Variants in NUDT3 observed in about 807,000 individuals in gnomAD.
NUDT3 encodes diphosphoinositol polyphosphate phosphohydrolase 1.
NUDT3 carries 9 observed loss-of-function variants against 23.6 expected under a neutral mutation model. The ratio of observed to expected loss-of-function variants is 0.38; its 90% CI spans 0.23 to 0.66. The LOEUF (loss-of-function observed/expected upper bound fraction) is 0.66. Among genes scored for constraint, NUDT3 ranks in the 30% least tolerant of loss-of-function variants. The pLI, the probability that NUDT3 is intolerant of heterozygous loss-of-function variation, is 0.52. For synonymous variants in NUDT3, 86 were observed against 82.6 expected (o/e 1.04, Z -0.22); for missense variants, 172 against 218.5 (o/e 0.79, Z 1.34).
intron 2 of NUDT3, among the ~76,000 whole-genome samples, chr6:34,305,605 T>C (rs1300314717): frequency 6.6e-6 from 1 of 152,222 alleles, no homozygotes; most frequent in Non-Finnish European, 1.5e-5. Flanking sequence ...TCTTGTTTTT[T>C]CCAGCTTCTT....
chr6:34,372,432 T>C (rs191514719), intron 1 of NUDT3, among the ~76,000 whole-genome samples: 3,477 of 152,182 alleles, frequency 0.023, 69 homozygotes, highest in Non-Finnish European at 0.032. Flanking sequence ...TAATGATTGC[T>C]ATTCTAACTG....
chr6:34,374,156 CAA>C (rs397888346), intron 1 of NUDT3, among the ~76,000 whole-genome samples: 14,605 of 63,926 alleles, frequency 0.23, 1,506 homozygotes, highest in East Asian at 0.46. Flanking sequence ...GGCTCCCTCT[CAA>C]AAAAAAAAAA....
intron 2 of NUDT3, among the ~76,000 whole-genome samples, chr6:34,313,275 TCC>T (rs1763803698): frequency 6.6e-6 from 1 of 152,124 alleles, no homozygotes; most frequent in Non-Finnish European, 1.5e-5. Flanking sequence ...TACTGTATAT[TCC>T]AACTATAAGA....
intron 1 of NUDT3, among the ~76,000 whole-genome samples, chr6:34,351,198 TA>T (rs71000051): frequency 8.3e-3 from 149 of 17,880 alleles, no homozygotes; most frequent in Middle Eastern, 0.036. Context: ...CTCCCCTGCC[TA>T]AAAAAAAAAA....
intron 2 of NUDT3, among the ~76,000 whole-genome samples, chr6:34,304,253 A>G (rs947752096): frequency 3.1e-5 from 3 of 95,914 alleles, no homozygotes; most frequent in African/African-American, 1.7e-4. Context: ...CTCTGTCTCA[A>G]AAAAAAAAAA....
chr6:34,374,622 T>A (rs564812776), intron 1 of NUDT3, among the ~76,000 whole-genome samples: 1 of 152,320 alleles, frequency 6.6e-6, no homozygotes, highest in East Asian at 1.9e-4. Flanking sequence ...CCTTTCGCAC[T>A]GTGTCTGACT....
intron 1 of NUDT3, among the ~76,000 whole-genome samples, chr6:34,347,791 C>T (rs975612089): frequency 6.6e-5 from 10 of 151,750 alleles, no homozygotes; most frequent in African/African-American, 2.2e-4. Flanking sequence ...AGTAATTATA[C>T]GGAGTGAGAA....
At chr6:34,305,925 C>T (rs1388728382) in intron 2 of NUDT3, among the ~76,000 whole-genome samples, 19 of 152,102 alleles carry the variant, frequency 1.2e-4, no homozygotes, top group Admixed American at 1.2e-3. Flanking sequence ...TTTAACCATT[C>T]CTGTACAACT....
chr6:34,388,669 C>A (rs1765148569), intron 1 of NUDT3, among the ~76,000 whole-genome samples: 1 of 152,180 alleles, frequency 6.6e-6, no homozygotes, highest in Non-Finnish European at 1.5e-5. Flanking sequence ...TCATCTAAAA[C>A]TACTCAACTC....
chr6:34,290,541 A>T (rs1376058449), intron 4 of NUDT3, among the ~76,000 whole-genome samples: 1 of 150,754 alleles, frequency 6.6e-6, no homozygotes, highest in East Asian at 1.9e-4. Context: ...CTATTTCTTA[A>T]GCAATCTATA....
At chr6:34,386,449 C>T (rs1765108097) in intron 1 of NUDT3, among the ~76,000 whole-genome samples, 1 of 152,166 alleles carries the variant, frequency 6.6e-6, no homozygotes, top group African/African-American at 2.4e-5. Flanking sequence ...GCATGTCTGT[C>T]TCCTTCATAA....
intron 1 of NUDT3, among the ~76,000 whole-genome samples, chr6:34,363,396 C>A (rs951079450): frequency 6.6e-6 from 1 of 152,088 alleles, no homozygotes. Flanking sequence ...CGGCAAATAA[C>A]CAAAGGTAAA....
intron 1 of NUDT3, among the ~76,000 whole-genome samples, chr6:34,358,777 G>A (rs189781347): frequency 1.6e-3 from 244 of 152,028 alleles, no homozygotes; most frequent in African/African-American, 5.6e-3. Context: ...AGCTCTTCAC[G>A]GATGTATGAA....
At chr6:34,289,501 C>T (rs575639296) in intron 4 of NUDT3, among the ~76,000 whole-genome samples, 27 of 152,258 alleles carry the variant, frequency 1.8e-4, no homozygotes, top group East Asian at 5.8e-4. Context: ...CGGAAGGTCG[C>T]GGCTGCAGTG....
chr6:34,336,245 C>A (rs563245930), intron 2 of NUDT3, among the ~76,000 whole-genome samples: 1 of 151,984 alleles, frequency 6.6e-6, no homozygotes, highest in Non-Finnish European at 1.5e-5. Flanking sequence ...GAGCGAGACT[C>A]CATCTCAAAA....
intron 1 of NUDT3, among the ~76,000 whole-genome samples, chr6:34,348,138 T>C (rs1185743773): frequency 6.6e-6 from 1 of 151,454 alleles, no homozygotes; most frequent in Non-Finnish European, 1.5e-5. Flanking sequence ...ACAAAAAAAT[T>C]AGCTGGGCAC....
At position 34,286,193 on chromosome 6, in the gene NUDT3, T is replaced by G. The variant is rs1461054269; in HGVS notation, c.*2560A>C. 1 of 152,180 alleles carries G rather than the reference T, an allele frequency of 6.6e-6. No individual in the cohort carries two copies. The highest frequency in any genetic ancestry group is 3.1e-3 in the Middle Eastern group (1 of 318). The allele number at this position is 152,180 out of a possible 1,614,324, so 9.4% of individuals were successfully genotyped here. A position where few individuals can be genotyped will look rare whatever the true frequency, so the allele number is the denominator to read the frequency against. On this transcript the variant is annotated 3_prime_UTR_variant, in exon 5 of 5. Transcript: ENST00000607016. ...GCCTCCCAGGTTTAAGCAATTCTCA[T>G]GCTTCAGCCTACCAAGTAGCTGGGA...
Position 34,353,438 on chromosome 6 carries a change from G to GT in NUDT3, c.100-11467dup, listed in dbSNP as rs1398880326. 5.7e-5 allele frequency among the ~76,000 whole-genome samples: 7 copies of GT among 123,668 alleles called. No homozygotes were observed. In the Admixed American group the frequency reaches 7.1e-4, roughly 13 times the overall value. The allele number at this position is 123,668 out of a possible 152,430, so 81.1% of individuals were successfully genotyped here. On this transcript the variant is annotated intron_variant, in intron 1 of 4. Coordinates refer to ENST00000607016, the MANE Select transcript of NUDT3 (RefSeq NM_006703.4). Reference sequence around the variant, plus strand: ...TTACTTACCTATACACAACTCCCAAGTATTTTTTTTTTTTTTTTTGAGACA... The same window carrying GT: ...TTACTTACCTATACACAACTCCCAAGTTATTTTTTTTTTTTTTTTTGAGACA...
chr6:34,357,731 G>T (rs923423530), intron 1 of NUDT3, among the ~76,000 whole-genome samples: 1 of 152,034 alleles, frequency 6.6e-6, no homozygotes, highest in African/African-American at 2.4e-5. Context: ...CTGAGATTTT[G>T]ATTAGTATTA....
Sources: gnomAD v4.1 joint callset for allele counts (sites outside exome capture counted in the v4.1 genomes callset) on GRCh38, gnomAD v4.1.1 for gene constraint, MANE v1.5 for transcripts, NCBI Gene and HGNC (gene_info 2026-07-23, HGNC 2026-07-21) for gene names.